The following DMBT1 variants were observed in gnomAD, a reference collection of about 807,000 sequenced individuals.
The protein encoded by DMBT1 is deleted in malignant brain tumors 1, also known as scavenger receptor cysteine-rich domain-containing protein DMBT1.
A neutral mutation model predicts 252.9 loss-of-function variants in DMBT1; 198 were observed. The ratio of observed to expected loss-of-function variants is 0.78; its 90% confidence interval spans 0.70 to 0.88. The LOEUF (loss-of-function observed/expected upper bound fraction) is 0.88, where lower values mean the gene tolerates loss of function less well. Ranked by LOEUF, DMBT1 falls within the 40% of genes least tolerant of loss-of-function variation. The probability of loss-of-function intolerance (pLI) is 0.00; values close to 1 mark genes in which losing one functional copy is unlikely to be tolerated. For missense variants in DMBT1, 2,432 were observed against 2,404.7 expected (o/e 1.01, Z -0.24); for synonymous variants, 990 against 942.7 (o/e 1.05, Z -0.92).
At position 122,601,032 on chromosome 10, in the gene DMBT1, T is replaced by C. The variant is rs747094305; in HGVS notation, c.3343+9T>C. On this transcript the variant is annotated intron_variant, in intron 28 of 55. Coordinates refer to ENST00000338354, the MANE Select transcript of DMBT1 (RefSeq NM_001377530.1). The stretch of plus-strand genomic sequence containing the variant: ...ACATGCATCAACAGCAGGTAAATAA[T>C]CCTCTCACCCCTCCCTAGGGCTCAC... 7.6e-6 allele frequency: 7 copies of C among 916,812 alleles called. No individual in the cohort carries two copies. Among genetic ancestry groups the C allele is most frequent in the Non-Finnish European group, 6.9e-6 (4 of 578,386 alleles). The allele number at this position is 916,812 out of a possible 1,614,324, so 56.8% of individuals were successfully genotyped here.
In DMBT1 at chr10:122,575,787, G is replaced by A. The variant is rs186337744; in HGVS notation, c.284-612G>A. ...GAGTGAAGCTTCCTTCATTGCCCATGTTCCTGGAGGTAGGGAGAAATCAGT... is the reference window on the plus strand; with the variant it reads ...GAGTGAAGCTTCCTTCATTGCCCATATTCCTGGAGGTAGGGAGAAATCAGT... On this transcript the variant is annotated intron_variant, in intron 6 of 55. Coordinates refer to ENST00000338354, the MANE Select transcript of DMBT1 (RefSeq NM_001377530.1). Among the ~76,000 whole-genome samples, 5 of 152,316 alleles carry A rather than the reference G, an allele frequency of 3.3e-5. No homozygotes were observed. In the East Asian group the frequency reaches 7.7e-4, roughly 24 times the overall value.
intron 50 of DMBT1, 51 bp downstream of exon 50, chr10:122,631,926 T>A (rs1189310659): frequency 6.3e-7 from 1 of 1,592,098 alleles, no homozygotes; most frequent in Non-Finnish European, 8.6e-7. Context: ...GGTCTCTCCA[T>A]TACTGCTGCC....
intron 44 of DMBT1, among the ~76,000 whole-genome samples, chr10:122,624,094 G>T (rs983980409): frequency 1.1e-4 from 16 of 152,158 alleles, no homozygotes; most frequent in Non-Finnish European, 2.9e-5. Context: ...GCCAGAGGTG[G>T]AGAGGTGGAC....
intron 5 of DMBT1, 24 bp downstream of exon 5, chr10:122,572,385 C>G: frequency 6.2e-7 from 1 of 1,611,538 alleles, no homozygotes; most frequent in Non-Finnish European, 8.5e-7. Flanking sequence ...TGGGGGAGCT[C>G]TATGGGCTCA....
intron 49 of DMBT1, 125 bp from the exon 50 acceptor site, chr10:122,631,730 G>A: frequency 1.1e-6 from 1 of 942,732 alleles, no homozygotes; most frequent in Non-Finnish European, 1.7e-6. Context: ...ATTGCTGGGT[G>A]GACCTGGGGA....
chr10:122,591,964 C>CAGTGGAG, intron 19 of DMBT1, among the ~76,000 whole-genome samples: 1 of 149,084 alleles, frequency 6.7e-6, no homozygotes, highest in Admixed American at 6.6e-5. Context: ...ATAGCATAGG[C>CAGTGGAG]CTGCCCTCTG....
chr10:122,634,359 T>C (rs2098193783), intron 52 of DMBT1, among the ~76,000 whole-genome samples: 1 of 100,664 alleles, frequency 9.9e-6, no homozygotes. Context: ...TTTCTTTCTT[T>C]CTTTCTTTCT....
At chr10:122,578,336 C>CT (rs1168061533) in intron 8 of DMBT1, among the ~76,000 whole-genome samples, 14 of 152,218 alleles carry the variant, frequency 9.2e-5, no homozygotes, top group African/African-American at 3.4e-4. Context: ...GGTGCCTTCA[C>CT]TTACCAGGAA....
chr10:122,588,128 C>T lies in DMBT1; in HGVS notation c.1784-816C>T, dbSNP rs531950903. 2.9e-4 allele frequency among the ~76,000 whole-genome samples: 43 copies of T among 148,782 alleles called. 4 individuals carry two copies. The highest frequency in any genetic ancestry group is 2.2e-3 in the Admixed American group (33 of 14,966). On this transcript the variant is annotated intron_variant, in intron 16 of 55. Coordinates refer to ENST00000338354, the MANE Select transcript of DMBT1 (RefSeq NM_001377530.1). ...TTTGTCTTTGTTGCAATTAAAGACA[C>T]GTTGCCGACCACCACATTACCTGCA...
rs1443429778 is a variant in DMBT1, at chr10:122,591,796, G to A, written c.2176+279G>A. Among the ~76,000 whole-genome samples the A allele has an allele frequency of 2.0e-5, 3 of 149,124 alleles. 1 individual carries two copies. The highest frequency in any genetic ancestry group is 7.3e-5 in the African/African-American group (3 of 41,206). On this transcript the variant is annotated intron_variant, in intron 19 of 55. Transcript: ENST00000338354. ...ACCCTGGAGAGCTCCCTACTCCTGG[G>A]ACCTCATTCCTGGCCTTCTGGCCAT...
At chr10:122,585,368 T>A (rs1178107466) in intron 15 of DMBT1, 59 bp downstream of exon 15, 1 of 1,550,882 alleles carries the variant, frequency 6.4e-7, no homozygotes, top group Non-Finnish European at 8.8e-7. Flanking sequence ...CAAATGTTTT[T>A]TTCTGAAATG....
At chr10:122,574,505 TCTTCTCC>T (rs2097694624) in intron 6 of DMBT1, among the ~76,000 whole-genome samples, 3 of 152,184 alleles carry the variant, frequency 2.0e-5, no homozygotes, top group Admixed American at 1.3e-4. Context: ...TCGTCTTCTT[TCTTCTCC>T]CTTCTCCCTC....
intron 16 of DMBT1, among the ~76,000 whole-genome samples, chr10:122,588,451 C>T (rs1172880108): frequency 6.7e-6 from 1 of 148,766 alleles, no homozygotes; most frequent in African/African-American, 2.4e-5. Context: ...CCCTGGAGGG[C>T]TCCCTACTCC....
chr10:122,624,251 G>T (rs2098098022), intron 44 of DMBT1, among the ~76,000 whole-genome samples: 1 of 152,186 alleles, frequency 6.6e-6, no homozygotes, highest in South Asian at 2.1e-4. Flanking sequence ...GAATCTGAAG[G>T]CCTGGCTCAG....
rs1016513703 is a variant in DMBT1, at chr10:122,643,271, C to G, written c.7502C>G (p.Ser2501Cys). 1.5e-5 allele frequency: 25 copies of G among 1,613,846 alleles called. No homozygotes were observed. The highest frequency in any genetic ancestry group is 2.1e-5 in the Non-Finnish European group (25 of 1,179,910). Residue 2501 changes from serine (S) to cysteine (C), a missense_variant, in exon 56 of 56, where the codon TCC (serine) becomes TGC (cysteine). Physicochemically the swap from Ser to Cys is moderately radical, Grantham distance 112 (BLOSUM62 -1). This residue lies in a region of DMBT1 where 1,162 missense variants were observed against 1,169.0 expected (regional missense o/e 0.99). Coordinates refer to ENST00000338354, the MANE Select transcript of DMBT1 (RefSeq NM_001377530.1). ...MVVCRAYDPS[S>C]RCYRGCVLRS... The stretch of plus-strand genomic sequence containing the variant: ...GTGTGCAGAGCGTATGACCCCTCTT[C>G]CCGCTGCTACCGAGGCTGTGTGTTG...
At position 122,622,770 on chromosome 10, in the gene DMBT1, G is replaced by A. The variant is rs1334368801; in HGVS notation, c.5608+1390G>A. Among the ~76,000 whole-genome samples, 3 of 152,278 alleles carry A rather than the reference G, an allele frequency of 2.0e-5. No homozygotes were observed. In the East Asian group the frequency reaches 5.8e-4, roughly 29 times the overall value. The stretch of plus-strand genomic sequence containing the variant: ...GGCGACGGGAAGGATGGGGGCACTA[G>A]GCTCTACTTGAATCTTGTAGGATGC... On this transcript the variant is annotated intron_variant, in intron 44 of 55. Transcript: ENST00000338354.
intron 26 of DMBT1, among the ~76,000 whole-genome samples, chr10:122,599,425 G>C (rs948232131): frequency 2.6e-5 from 4 of 152,230 alleles, no homozygotes; most frequent in South Asian, 2.1e-4. Context: ...ATGGATGCAG[G>C]ACAGACAGCA....
In DMBT1 at chr10:122,580,869, C is replaced by A. The variant is rs2097762516; in HGVS notation, c.1007C>A (p.Pro336His). ...SEDAGVICSAPQSRPTPSPDT... is the reference protein window; with the variant it reads ...SEDAGVICSAHQSRPTPSPDT... ...CCTTCTCTTCTCTTTCTCACAGCTC[C>A]CCAGTCCCGGCCGACACCCAGCCCA... is the stretch of plus-strand genomic sequence containing the variant. The change falls in exon 11 of 56, where the codon CCC (proline) becomes CAC (histidine). Residue 336 changes from proline (P) to histidine (H), a missense_variant. Around this residue, in one of 3 missense-constraint regions of DMBT1, gnomAD observed 1,264 missense variants for 1,082.2 expected, o/e 1.17. Coordinates refer to ENST00000338354, the MANE Select transcript of DMBT1 (RefSeq NM_001377530.1). 1 of 1,613,782 alleles carries A rather than the reference C, an allele frequency of 6.2e-7. No individual in the cohort carries two copies. The highest frequency in any genetic ancestry group is 8.5e-7 in the Non-Finnish European group (1 of 1,179,888).
At position 122,580,871 on chromosome 10, in the gene DMBT1, C is replaced by G. The variant is rs770061120; in HGVS notation, c.1009C>G (p.Gln337Glu). The G allele has an allele frequency of 6.2e-7, 1 of 1,613,794 alleles. No individual in the cohort carries two copies. The highest frequency in any genetic ancestry group is 8.5e-7 in the Non-Finnish European group (1 of 1,179,898). The change falls in exon 11 of 56, where the codon CAG (glutamine) becomes GAG (glutamate). Residue 337 changes from glutamine (Q) to glutamate (E), a missense_variant. Gln to Glu is a conservative substitution (Grantham distance 29). Transcript: ENST00000338354. The stretch of plus-strand genomic sequence containing the variant: ...TTCTCTTCTCTTTCTCACAGCTCCC[C>G]AGTCCCGGCCGACACCCAGCCCAGG... Reference protein sequence around the residue: ...EDAGVICSAPQSRPTPSPDTW... With the variant: ...EDAGVICSAPESRPTPSPDTW...
Sources: allele counts gnomAD v4.1 joint callset (sites outside exome capture counted in the v4.1 genomes callset), GRCh38; gene constraint gnomAD v4.1.1; regional missense constraint gnomAD v4.1.1; transcripts MANE v1.5; gene names NCBI Gene and HGNC (gene_info 2026-07-23, HGNC 2026-07-21).